Variants in DNAJC3 observed in about 807,000 individuals in gnomAD.
DNAJC3 encodes the protein dnaJ homolog subfamily C member 3.
DNAJC3 carries 38 observed loss-of-function variants against 68.6 expected under a neutral mutation model. The observed-to-expected ratio is 0.55, with a 90% CI of 0.43 to 0.73. The LOEUF is 0.73. Ranked by LOEUF, DNAJC3 falls within the 30% of genes least tolerant of loss-of-function variation. The pLI is 0.00. For synonymous variants in DNAJC3, 203 were observed against 204.0 expected, an observed-to-expected ratio of 1.00 and a Z score of 0.04; for missense variants, 526 against 591.9, an observed-to-expected ratio of 0.89 and a Z score of 1.16.
intron 9 of DNAJC3, among the ~76,000 whole-genome samples, chr13:95,773,729 G>A (rs1415288340): frequency 1.5e-5 from 2 of 132,986 alleles, no homozygotes; most frequent in Non-Finnish European, 3.1e-5. Flanking sequence ...AATTTTGTTG[G>A]TCTTTTTTTT....
chr13:95,764,347 T>TTCTCTCTCTCTC (rs3051424), intron 9 of DNAJC3, among the ~76,000 whole-genome samples: 1 of 130,026 alleles, frequency 7.7e-6, no homozygotes, highest in Non-Finnish European at 1.6e-5. Flanking sequence ...CATATACATA[T>TTCTCTCTCTCTC]TCTCTCTCTC....
intron 4 of DNAJC3, among the ~76,000 whole-genome samples, chr13:95,728,040 C>T (rs1881586722): frequency 6.6e-6 from 1 of 152,170 alleles, no homozygotes; most frequent in Admixed American, 6.5e-5. Flanking sequence ...TCTTTTTACT[C>T]AGTGTAATTT....
At chr13:95,782,486 G>T (rs1483851754) in intron 9 of DNAJC3, among the ~76,000 whole-genome samples, 1 of 152,148 alleles carries the variant, frequency 6.6e-6, no homozygotes, top group Non-Finnish European at 1.5e-5. Context: ...ACTGTTTAAT[G>T]ATCGCCATTC....
intron 1 of DNAJC3, chr13:95,694,851 T>C (rs1880387184): frequency 6.6e-6 from 1 of 152,656 alleles, no homozygotes; most frequent in Non-Finnish European, 1.5e-5. Flanking sequence ...CATCTGCCTC[T>C]TCCTGCACGT....
At chr13:95,708,023 T>G (rs1880816265) in intron 1 of DNAJC3, among the ~76,000 whole-genome samples, 3 of 152,132 alleles carry the variant, frequency 2.0e-5, no homozygotes, top group Admixed American at 2.0e-4. Flanking sequence ...GGTTGCCAGA[T>G]CACTGAGGAA....
At chr13:95,689,603 C>T (rs748585276) in intron 1 of DNAJC3, among the ~76,000 whole-genome samples, 1 of 150,128 alleles carries the variant, frequency 6.7e-6, no homozygotes, top group African/African-American at 2.4e-5. Flanking sequence ...TCATTTAGTT[C>T]ATTCTGATCT....
At chr13:95,745,220 T>C (rs775066393) in intron 4 of DNAJC3, 23 of 152,244 alleles carry the variant, frequency 1.5e-4, no homozygotes, top group Non-Finnish European at 2.1e-4. Context: ...AAAATTTTTA[T>C]GTCTGTTAAA....
At chr13:95,774,837 A>G (rs1594022841) in intron 9 of DNAJC3, among the ~76,000 whole-genome samples, 1 of 152,238 alleles carries the variant, frequency 6.6e-6, no homozygotes, top group East Asian at 1.9e-4. Context: ...GTCTTCATTC[A>G]TTTACTTTGA....
chr13:95,738,148 A>G, intron 4 of DNAJC3, among the ~76,000 whole-genome samples: 1 of 148,876 alleles, frequency 6.7e-6, no homozygotes, highest in Non-Finnish European at 1.5e-5. Flanking sequence ...TGAGATTCTT[A>G]ATCCTGAGTT....
chr13:95,778,611 A>G (rs142733627), intron 9 of DNAJC3, among the ~76,000 whole-genome samples: 1 of 152,330 alleles, frequency 6.6e-6, no homozygotes, highest in East Asian at 1.9e-4. Context: ...GTATGAATCT[A>G]CTTACATGGA....
At chr13:95,681,463 A>G (rs1476940184) in intron 1 of DNAJC3, among the ~76,000 whole-genome samples, 1 of 151,966 alleles carries the variant, frequency 6.6e-6, no homozygotes, top group East Asian at 1.9e-4. Context: ...CAGTCCTCCC[A>G]TCTCAGCCTC....
intron 4 of DNAJC3, among the ~76,000 whole-genome samples, chr13:95,732,375 T>G (rs753698009): frequency 3.0e-4 from 46 of 152,320 alleles, no homozygotes; most frequent in Non-Finnish European, 5.6e-4. Flanking sequence ...AGGTTTTCTG[T>G]TTCAGCCTTG....
chr13:95,709,946 G>A (rs1880903012), intron 2 of DNAJC3, among the ~76,000 whole-genome samples: 1 of 152,136 alleles, frequency 6.6e-6, no homozygotes, highest in African/African-American at 2.4e-5. Flanking sequence ...GCCAGCTTCT[G>A]ACTTTTTGAA....
intron 2 of DNAJC3, among the ~76,000 whole-genome samples, chr13:95,715,447 G>C (rs1881105791): frequency 2.0e-5 from 3 of 151,668 alleles, no homozygotes; most frequent in Non-Finnish European, 4.4e-5. Context: ...AAGTAGCAGT[G>C]ACTCTCAAAT....
intron 4 of DNAJC3, among the ~76,000 whole-genome samples, chr13:95,731,342 A>G (rs1881703196): frequency 6.6e-6 from 1 of 152,170 alleles, no homozygotes; most frequent in African/African-American, 2.4e-5. Flanking sequence ...TGCATTGAGT[A>G]GGAGTGGTGA....
intron 11 of DNAJC3, among the ~76,000 whole-genome samples, chr13:95,787,669 G>T (rs1594032735): frequency 2.1e-5 from 3 of 143,106 alleles, no homozygotes; most frequent in African/African-American, 7.6e-5. Flanking sequence ...GCTTATATGT[G>T]TTTTTTTTTT....
intron 1 of DNAJC3, among the ~76,000 whole-genome samples, chr13:95,688,101 A>G (rs530659953): frequency 1.1e-4 from 17 of 152,300 alleles, no homozygotes; most frequent in Admixed American, 7.8e-4. Flanking sequence ...GTGTATATAA[A>G]TGTTACTGCT....
intron 10 of DNAJC3, among the ~76,000 whole-genome samples, chr13:95,786,368 A>T (rs984898987): frequency 6.6e-6 from 1 of 152,158 alleles, no homozygotes; most frequent in African/African-American, 2.4e-5. Context: ...TAGGAGTGAG[A>T]TTCCTTTTGG....
At chr13:95,706,686 A>T (rs1366051014) in intron 1 of DNAJC3, among the ~76,000 whole-genome samples, 1 of 152,110 alleles carries the variant, frequency 6.6e-6, no homozygotes, top group African/African-American at 2.4e-5. Context: ...GGGGAAAACT[A>T]CTTCTGGTAA....
Sources: allele counts gnomAD v4.1 joint callset (sites outside exome capture counted in the v4.1 genomes callset), GRCh38; gene constraint gnomAD v4.1.1; transcripts MANE v1.5; gene names NCBI Gene and HGNC (gene_info 2026-07-23, HGNC 2026-07-21).